The following LYPD1 variants were observed in gnomAD, a reference collection of about 807,000 sequenced individuals.
LYPD1 encodes ly6/PLAUR domain-containing protein 1.
A neutral mutation model predicts 14.2 loss-of-function variants in LYPD1; 14 were observed. That is an observed-to-expected ratio of 0.99 (90% confidence interval 0.65 to 1.54). The LOEUF (loss-of-function observed/expected upper bound fraction) is 1.54. Ranked by LOEUF, LYPD1 falls within the 40% of genes most tolerant of loss-of-function variation. LYPD1 has a pLI of 0.00. For synonymous variants in LYPD1, 85 were observed against 70.6 expected (o/e 1.20, Z -1.02); for missense variants, 165 against 175.7 (o/e 0.94, Z 0.34).
At chr2:132,660,222 T>A (rs1682854840) in intron 2 of LYPD1, among the ~76,000 whole-genome samples, 1 of 152,248 alleles carries the variant, frequency 6.6e-6, no homozygotes, top group Non-Finnish European at 1.5e-5. Context: ...ATAATACAAC[T>A]TTATCACTTT....
chr2:132,646,965 T>A (rs947594476), intron 2 of LYPD1, among the ~76,000 whole-genome samples: 3 of 151,840 alleles, frequency 2.0e-5, no homozygotes, highest in Non-Finnish European at 4.4e-5. Flanking sequence ...AAAAAAAGCT[T>A]CCCAAGAAGA....
intron 2 of LYPD1, among the ~76,000 whole-genome samples, chr2:132,664,734 G>A (rs1294778819): frequency 6.6e-6 from 1 of 152,170 alleles, no homozygotes; most frequent in East Asian, 1.9e-4. Context: ...CCCTTTCACT[G>A]TATCTAGTCA....
At chr2:132,664,098 T>C (rs747511946) in intron 2 of LYPD1, among the ~76,000 whole-genome samples, 19 of 151,992 alleles carry the variant, frequency 1.3e-4, no homozygotes, top group Non-Finnish European at 2.6e-4. Context: ...CTTGAGTGCA[T>C]GCACTCAAAA....
intron 2 of LYPD1, among the ~76,000 whole-genome samples, chr2:132,651,307 A>T (rs1682353222): frequency 6.6e-6 from 1 of 152,174 alleles, no homozygotes; most frequent in African/African-American, 2.4e-5. Flanking sequence ...GCTCTAGGGA[A>T]TGACCACTCT....
chr2:132,651,187 G>A (rs886602974), intron 2 of LYPD1, among the ~76,000 whole-genome samples: 2 of 152,152 alleles, frequency 1.3e-5, no homozygotes, highest in African/African-American at 4.8e-5. Context: ...TCAGAACCAC[G>A]AGAAGAATGA....
At chr2:132,650,106 G>A (rs1682298160) in intron 2 of LYPD1, among the ~76,000 whole-genome samples, 1 of 151,850 alleles carries the variant, frequency 6.6e-6, no homozygotes, top group Admixed American at 6.6e-5. Flanking sequence ...AATCTATAAG[G>A]GATAAATAAT....
In LYPD1 at chr2:132,669,818, G is replaced by T. The variant is rs747673224; in HGVS notation, c.52+63C>A. ...CGAGGTGGGCGCCTTGGGGGCAAAA[G>T]GGCTGGCGGGTAGATGGATTGTGCG... On this transcript the variant is annotated intron_variant, in intron 1 of 2. Coordinates refer to ENST00000397463, the MANE Select transcript of LYPD1 (RefSeq NM_144586.7). This position sits in a 1 kb window ranked among gnomAD's most constrained non-coding sequence, Gnocchi z 4.3. The T allele has an allele frequency of 6.3e-6, 10 of 1,592,502 alleles. 1 individual carries two copies. In the South Asian group the frequency reaches 1.1e-4, roughly 18 times the overall value.
chr2:132,668,655 T>C, intron 1 of LYPD1, 118 bp from the exon 2 acceptor site: 4 of 1,378,422 alleles, frequency 2.9e-6, no homozygotes, highest in Non-Finnish European at 3.8e-6. Context: ...CTTAGACCAC[T>C]CCTGGGTCTC....
Position 132,655,242 on chromosome 2 carries a change from G to T in LYPD1, c.191-8962C>A, listed in dbSNP as rs1489394450. On this transcript the variant is annotated intron_variant, in intron 2 of 2. Coordinates refer to ENST00000397463, the MANE Select transcript of LYPD1 (RefSeq NM_144586.7). The stretch of plus-strand genomic sequence containing the variant: ...GTCTTGTCTATGACTGGGTCAACCA[G>T]CCGGTTTGGAGATGCCAATTTGAAA... Among the ~76,000 whole-genome samples the T allele has an allele frequency of 3.3e-5, 5 of 152,148 alleles. No individual in the cohort carries two copies. The East Asian group carries it at 9.7e-4, about 29-fold the overall frequency.
rs997017984 is a variant in LYPD1, at chr2:132,646,150, G to T, written c.321C>A (p.Asn107Lys). The T allele has an allele frequency of 1.2e-6, 2 of 1,611,796 alleles. No homozygotes were observed. Among genetic ancestry groups the T allele is most frequent in the East Asian group, 2.2e-5 (1 of 44,812 alleles). ...CISCCNTPLC[N>K]GPRPKKRGSS... ...TTCCCCTTTTCTTGGGCCTTGGCCC[G>T]TTACAAAGAGGGGTGTTGCAGCAGC... The change falls in exon 3 of 3, where the codon AAC becomes AAA. Residue 107 changes from asparagine to lysine, a missense_variant. By Grantham distance (94) the Asn-to-Lys change is moderately conservative. Transcript: ENST00000397463.
At chr2:132,651,630 T>C (rs1682365662) in intron 2 of LYPD1, among the ~76,000 whole-genome samples, 1 of 152,256 alleles carries the variant, frequency 6.6e-6, no homozygotes, top group Non-Finnish European at 1.5e-5. Context: ...AAGGTACATT[T>C]ATACTATACA....
At chr2:132,667,643 C>T (rs1683357771) in intron 2 of LYPD1, among the ~76,000 whole-genome samples, 1 of 152,206 alleles carries the variant, frequency 6.6e-6, no homozygotes, top group Admixed American at 6.5e-5. Context: ...GAAGTAACAG[C>T]TCTACCTATT....
chr2:132,668,989 T>A (rs1190391685), intron 1 of LYPD1, among the ~76,000 whole-genome samples: 1 of 152,226 alleles, frequency 6.6e-6, no homozygotes, highest in Non-Finnish European at 1.5e-5. Context: ...TTAGTTTTTA[T>A]TTATTTAATT....
At chr2:132,662,285 C>T (rs539707785) in intron 2 of LYPD1, among the ~76,000 whole-genome samples, 7 of 152,330 alleles carry the variant, frequency 4.6e-5, no homozygotes, top group Admixed American at 1.3e-4. Flanking sequence ...GATGGTTATA[C>T]TGACCGCATT....
chr2:132,646,339 C>T (rs145473865), intron 2 of LYPD1, 59 bp from the exon 3 acceptor site: 16 of 1,216,120 alleles, frequency 1.3e-5, no homozygotes, highest in Non-Finnish European at 1.8e-5. Context: ...ATAGCTGTCC[C>T]TCTCAGCCCA....
rs1327464720 is a variant in LYPD1, at chr2:132,670,023, C to T, written c.-91G>A. 6.4e-7 allele frequency: 1 copy of T among 1,568,404 alleles called. No homozygotes were observed. Among genetic ancestry groups the T allele is most frequent in the Non-Finnish European group, 8.6e-7 (1 of 1,165,112 alleles). On this transcript the variant is annotated 5_prime_UTR_variant, in exon 1 of 3. Transcript: ENST00000397463. The surrounding 1 kb of genome is among the most constrained non-coding windows in gnomAD (Gnocchi z 4.5). ...CCCCGGCTGCAGCGGCTGTGGCTGC[C>T]GAGGCTGCTGGGGCCCGCGCTGCTG...
intron 2 of LYPD1, among the ~76,000 whole-genome samples, chr2:132,653,186 A>G (rs1682421646): frequency 6.6e-6 from 1 of 152,234 alleles, no homozygotes; most frequent in Non-Finnish European, 1.5e-5. Context: ...AGGAAAGAAC[A>G]TGAACCCTGG....
intron 2 of LYPD1, among the ~76,000 whole-genome samples, chr2:132,665,784 C>A (rs1271329774): frequency 1.3e-5 from 2 of 152,180 alleles, no homozygotes; most frequent in African/African-American, 4.8e-5. Context: ...GCCAGATATA[C>A]CACAGACTAT....
intron 2 of LYPD1, among the ~76,000 whole-genome samples, chr2:132,652,079 G>A (rs997748146): frequency 2.0e-5 from 3 of 152,206 alleles, no homozygotes; most frequent in Non-Finnish European, 4.4e-5. Flanking sequence ...GGTTAGGGTA[G>A]GAGAAGGTCA....
Sources: allele counts gnomAD v4.1 joint callset (sites outside exome capture counted in the v4.1 genomes callset), GRCh38; gene constraint gnomAD v4.1.1; non-coding constraint Gnocchi (gnomAD v3.1); transcripts MANE v1.5; gene names NCBI Gene and HGNC (gene_info 2026-07-23, HGNC 2026-07-21).